Variants in MALRD1 observed in about 807,000 individuals in gnomAD.
MALRD1 encodes MAM and LDL receptor class A domain containing 1, also known as MAM and LDL-receptor class A domain-containing protein 1.
Under a neutral mutation model 242.1 loss-of-function variants are expected in MALRD1, and 247 were observed. That is an observed-to-expected ratio of 1.02 (90% CI 0.92 to 1.13). MALRD1 has a LOEUF of 1.13. Ranked by LOEUF, MALRD1 falls within the 50% of genes most tolerant of loss-of-function variation. The pLI, the probability that MALRD1 is intolerant of heterozygous loss-of-function variation, is 0.00. For synonymous variants in MALRD1, 995 were observed against 866.6 expected, an observed-to-expected ratio of 1.15 and a Z score of -2.60; for missense variants, 2,989 against 2,533.1, an observed-to-expected ratio of 1.18 and a Z score of -3.86.
chr10:19,253,437 T>C (rs1375881144), intron 18 of MALRD1, among the ~76,000 whole-genome samples: 1 of 151,986 alleles, frequency 6.6e-6, no homozygotes, highest in East Asian at 1.9e-4. Context: ...TTATCCTGTT[T>C]AGGTGAGCAG....
At chr10:19,160,607 T>G (rs5968795) in intron 12 of MALRD1, among the ~76,000 whole-genome samples, 4,369 of 17,138 alleles carry the variant, frequency 0.25, 575 homozygotes, top group South Asian at 0.57. Context: ...TCTTTTTGGT[T>G]GGTAAACTAT....
chr10:19,295,138 A>G (rs1250503006), intron 21 of MALRD1, among the ~76,000 whole-genome samples: 1 of 152,104 alleles, frequency 6.6e-6, no homozygotes, highest in Non-Finnish European at 1.5e-5. Context: ...TAGCTTTGCC[A>G]CATGTCACAT....
intron 28 of MALRD1, among the ~76,000 whole-genome samples, chr10:19,398,982 G>A (rs544696016): frequency 7.2e-5 from 11 of 152,334 alleles, no homozygotes; most frequent in African/African-American, 2.4e-4. Flanking sequence ...CTGGCTGCTC[G>A]TGAATTAATA....
chr10:19,423,620 G>A (rs931578376), intron 28 of MALRD1, among the ~76,000 whole-genome samples: 4 of 152,204 alleles, frequency 2.6e-5, no homozygotes, highest in Admixed American at 6.5e-5. Flanking sequence ...AGAGGTTCCC[G>A]TGGCAGGTCA....
intron 24 of MALRD1, among the ~76,000 whole-genome samples, chr10:19,344,413 C>G (rs994186040): frequency 6.6e-6 from 1 of 151,756 alleles, no homozygotes; most frequent in African/African-American, 2.4e-5. Context: ...CAAGACTGTC[C>G]TACTTTTATT....
At chr10:19,413,595 A>T (rs573467676) in intron 28 of MALRD1, among the ~76,000 whole-genome samples, 38 of 151,556 alleles carry the variant, frequency 2.5e-4, no homozygotes, top group Non-Finnish European at 5.3e-4. Context: ...AATTTAATTT[A>T]TTACCTCCCA....
intron 19 of MALRD1, among the ~76,000 whole-genome samples, chr10:19,276,562 T>C (rs757531280): frequency 1.3e-5 from 2 of 152,212 alleles, no homozygotes; most frequent in Non-Finnish European, 2.9e-5. Context: ...GAAAATAATT[T>C]TTCATCAAGG....
intron 31 of MALRD1, among the ~76,000 whole-genome samples, chr10:19,529,544 G>GGT (rs1423021949): frequency 7.6e-5 from 3 of 39,506 alleles, no homozygotes; most frequent in African/African-American, 3.3e-4. Flanking sequence ...GAAAAAAACA[G>GGT]GAGGGGGGGG....
intron 32 of MALRD1, among the ~76,000 whole-genome samples, chr10:19,556,102 T>A (rs970793479): frequency 2.0e-5 from 3 of 152,194 alleles, no homozygotes; most frequent in Non-Finnish European, 4.4e-5. Context: ...AAATTTACTT[T>A]TAAACATTAA....
intron 6 of MALRD1, among the ~76,000 whole-genome samples, 189 bp from the exon 7 acceptor site, chr10:19,124,334 GA>G (rs1369615535): frequency 6.6e-6 from 1 of 152,204 alleles, no homozygotes; most frequent in Non-Finnish European, 1.5e-5. Flanking sequence ...TGGATCAACT[GA>G]GAAATTTTTG....
intron 38 of MALRD1, chr10:19,728,394 T>C (rs1206518721): frequency 6.6e-6 from 1 of 152,204 alleles, no homozygotes; most frequent in Admixed American, 6.5e-5. Context: ...CTGAGAATTA[T>C]ATAAATTTAC....
At position 19,642,403 on chromosome 10, in the gene MALRD1, G is replaced by C. The variant is rs574438404; in HGVS notation, c.6137+26480G>C. ...ACGAAGAGCTAACCAAAGCAAACAA[G>C]AATGACAAATTTCTTTACTTGAAAC... is the stretch of plus-strand genomic sequence containing the variant. On this transcript the variant is annotated intron_variant, in intron 36 of 39. Transcript: ENST00000454679. Among the ~76,000 whole-genome samples, 17 of 152,184 alleles carry C rather than the reference G, an allele frequency of 1.1e-4. No individual in the cohort carries two copies. The East Asian group carries it at 2.9e-3, about 26-fold the overall frequency.
intron 32 of MALRD1, among the ~76,000 whole-genome samples, chr10:19,563,129 A>T (rs555489752): frequency 4.5e-4 from 69 of 152,094 alleles, no homozygotes; most frequent in Non-Finnish European, 7.4e-4. Flanking sequence ...GGATTGTTTG[A>T]TCTCTCTATA....
At chr10:19,174,927 A>G (rs1835167888) in intron 13 of MALRD1, among the ~76,000 whole-genome samples, 1 of 151,938 alleles carries the variant, frequency 6.6e-6, no homozygotes, top group African/African-American at 2.4e-5. Context: ...AATGCATATG[A>G]CTCTTAATGG....
At chr10:19,150,542 C>A (rs1298422222) in intron 11 of MALRD1, among the ~76,000 whole-genome samples, 1 of 152,120 alleles carries the variant, frequency 6.6e-6, no homozygotes, top group African/African-American at 2.4e-5. Context: ...AGGAGACTAC[C>A]ACACTCCTGT....
At chr10:19,210,349 A>G (rs1486109782) in intron 18 of MALRD1, among the ~76,000 whole-genome samples, 4 of 152,230 alleles carry the variant, frequency 2.6e-5, no homozygotes, top group Admixed American at 1.3e-4. Flanking sequence ...GATTCAAAGA[A>G]AAAAGCTTGG....
At chr10:19,430,938 A>G (rs1319860496) in intron 28 of MALRD1, among the ~76,000 whole-genome samples, 1 of 152,172 alleles carries the variant, frequency 6.6e-6, no homozygotes, top group African/African-American at 2.4e-5. Flanking sequence ...GAGTTGAGTA[A>G]GTAAGAAAAA....
intron 18 of MALRD1, among the ~76,000 whole-genome samples, chr10:19,235,056 G>C (rs1838250729): frequency 1.3e-5 from 2 of 152,176 alleles, no homozygotes; most frequent in Admixed American, 1.3e-4. Context: ...GAGAGGGCTA[G>C]ACCAGTAGCC....
At chr10:19,194,834 G>C (rs1218185048) in intron 14 of MALRD1, among the ~76,000 whole-genome samples, 1 of 152,066 alleles carries the variant, frequency 6.6e-6, no homozygotes, top group Non-Finnish European at 1.5e-5. Context: ...GGACCCACAA[G>C]GGCCTTATAT....
Sources: gnomAD v4.1 joint callset for allele counts (sites outside exome capture counted in the v4.1 genomes callset) on GRCh38, gnomAD v4.1.1 for gene constraint, MANE v1.5 for transcripts, NCBI Gene and HGNC (gene_info 2026-07-23, HGNC 2026-07-21) for gene names.